MEF2A: variants seen among roughly 807,000 people sequenced by gnomAD.
MEF2A encodes the protein myocyte enhancer factor 2A, also known as myocyte-specific enhancer factor 2A.
Under a neutral mutation model 55.8 loss-of-function variants are expected in MEF2A, and 28 were observed. The observed-to-expected ratio is 0.50, with a 90% confidence interval of 0.37 to 0.69. The LOEUF (loss-of-function observed/expected upper bound fraction) is 0.69, where lower values mean the gene tolerates loss of function less well. MEF2A is among the 30% of genes least tolerant of loss of function. The pLI, the probability that MEF2A is intolerant of heterozygous loss-of-function variation, is 0.00. For synonymous variants in MEF2A, 239 were observed against 227.1 expected, an observed-to-expected ratio of 1.05 and a Z score of -0.47; for missense variants, 528 against 626.2, an observed-to-expected ratio of 0.84 and a Z score of 1.67.
Position 99,583,862 on chromosome 15 carries a change from G to A in MEF2A, c.-224-14568G>A, listed in dbSNP as rs527453456. ...ACAGTCATGAGTCACTTAATGACAG[G>A]GATATGTTCTGAGAAATGCATCATT... is the stretch of plus-strand genomic sequence containing the variant. On this transcript the variant is annotated intron_variant, in intron 1 of 11. Transcript: ENST00000557942. Among the ~76,000 whole-genome samples, 4 of 152,124 alleles carry A rather than the reference G, an allele frequency of 2.6e-5. 1 individual carries two copies. The highest frequency in any genetic ancestry group is 6.8e-3 in the Middle Eastern group (2 of 294).
intron 1 of MEF2A, among the ~76,000 whole-genome samples, chr15:99,596,037 A>T (rs979247076): frequency 6.6e-6 from 1 of 151,790 alleles, no homozygotes; most frequent in Non-Finnish European, 1.5e-5. Flanking sequence ...TTTTTTTTTT[A>T]AAGAGCGTGT....
chr15:99,658,036 A>G (rs2048031648), intron 4 of MEF2A, among the ~76,000 whole-genome samples: 1 of 152,178 alleles, frequency 6.6e-6, no homozygotes, highest in Non-Finnish European at 1.5e-5. Flanking sequence ...TCAGAACTAT[A>G]GAGCATCATA....
intron 1 of MEF2A, among the ~76,000 whole-genome samples, chr15:99,567,626 A>AATTGTGT (rs1567124507): frequency 8.2e-6 from 1 of 122,014 alleles, no homozygotes; most frequent in African/African-American, 3.3e-5. Context: ...TTTTGTATGT[A>AATTGTGT]CTGTGTGTGT....
chr15:99,620,484 C>T (rs1229178156), intron 2 of MEF2A, among the ~76,000 whole-genome samples: 1 of 152,150 alleles, frequency 6.6e-6, no homozygotes, highest in African/African-American at 2.4e-5. Context: ...ATGATGGCCT[C>T]CAGCTGCCTC....
chr15:99,695,540 T>TG (rs1171110967), intron 8 of MEF2A, among the ~76,000 whole-genome samples: 125 of 141,506 alleles, frequency 8.8e-4, no homozygotes, highest in Admixed American at 1.5e-3. Flanking sequence ...GATTGTCAGA[T>TG]TTGTGTGTGT....
chr15:99,602,468 G>A (rs574126020), intron 2 of MEF2A, among the ~76,000 whole-genome samples: 20 of 152,146 alleles, frequency 1.3e-4, no homozygotes, highest in African/African-American at 4.1e-4. Context: ...CTCTTAATGC[G>A]CATGCTGGAG....
chr15:99,590,020 T>C (rs1968713038), intron 1 of MEF2A, among the ~76,000 whole-genome samples: 2 of 152,144 alleles, frequency 1.3e-5, no homozygotes, highest in South Asian at 4.1e-4. Flanking sequence ...TTTATAGTGT[T>C]GTTCAGGTCT....
intron 2 of MEF2A, among the ~76,000 whole-genome samples, chr15:99,610,499 A>C (rs971738713): frequency 6.9e-6 from 1 of 145,952 alleles, no homozygotes; most frequent in East Asian, 2.1e-4. Flanking sequence ...TAGCCAAAAC[A>C]ATCTTTAAAA....
At chr15:99,666,056 A>G (rs1213598046) in intron 4 of MEF2A, among the ~76,000 whole-genome samples, 1 of 152,184 alleles carries the variant, frequency 6.6e-6, no homozygotes, top group East Asian at 1.9e-4. Flanking sequence ...AGAACTAGAA[A>G]TACCATTTGA....
rs905788890 is a variant in MEF2A, at chr15:99,671,474, C to G, written c.390+20C>G. On this transcript the variant is annotated intron_variant, in intron 5 of 11. Transcript: ENST00000557942. ...GGCCCTGTAAGTACTTTTACTTTAC[C>G]TCTACTTTTTATTTGTTGATCCTTT... 1.9e-6 allele frequency: 3 copies of G among 1,613,716 alleles called. No individual in the cohort carries two copies. Among genetic ancestry groups the G allele is most frequent in the East Asian group, 2.2e-5 (1 of 44,872 alleles).
intron 2 of MEF2A, among the ~76,000 whole-genome samples, chr15:99,609,517 T>A (rs117132284): frequency 0.02 from 3,015 of 152,318 alleles, 55 homozygotes; most frequent in Middle Eastern, 0.065. Context: ...TGTGATTGTG[T>A]TTGTACGACA....
chr15:99,647,765 TTAA>T (rs1218478201), intron 4 of MEF2A, among the ~76,000 whole-genome samples: 1 of 152,220 alleles, frequency 6.6e-6, no homozygotes, highest in South Asian at 2.1e-4. Context: ...ATGAATCGTG[TTAA>T]TAGTTCCTTG....
At chr15:99,577,572 C>G (rs891550608) in intron 1 of MEF2A, among the ~76,000 whole-genome samples, 8 of 152,152 alleles carry the variant, frequency 5.3e-5, no homozygotes, top group South Asian at 2.1e-4. Flanking sequence ...GCTATATAAC[C>G]ATAATGTAAA....
At chr15:99,632,090 A>G (rs972817634) in intron 2 of MEF2A, among the ~76,000 whole-genome samples, 1 of 152,228 alleles carries the variant, frequency 6.6e-6, no homozygotes, top group Non-Finnish European at 1.5e-5. Flanking sequence ...AGAACATGAC[A>G]AACTATATCA....
intron 1 of MEF2A, among the ~76,000 whole-genome samples, chr15:99,595,186 GA>G (rs1970735681): frequency 6.6e-6 from 1 of 152,158 alleles, no homozygotes; most frequent in African/African-American, 2.4e-5. Flanking sequence ...GGGTAATAAT[GA>G]GGTTGTTGTT....
At chr15:99,589,313 G>A (rs1226564975) in intron 1 of MEF2A, among the ~76,000 whole-genome samples, 1 of 152,128 alleles carries the variant, frequency 6.6e-6, no homozygotes, top group Admixed American at 6.5e-5. Context: ...GTCTACTTAA[G>A]TTGTCAGTTT....
intron 1 of MEF2A, among the ~76,000 whole-genome samples, chr15:99,597,150 C>T (rs1004508247): frequency 3.3e-5 from 5 of 152,170 alleles, no homozygotes; most frequent in African/African-American, 1.2e-4. Context: ...TAAACTCTGA[C>T]TGCCGGTGAG....
intron 1 of MEF2A, among the ~76,000 whole-genome samples, chr15:99,592,216 A>G (rs1023600350): frequency 1.3e-5 from 2 of 151,896 alleles, no homozygotes; most frequent in African/African-American, 4.8e-5. Context: ...CTGCTGCTGC[A>G]TTTTCTACTG....
Position 99,712,504 on chromosome 15 carries a change from CCAGCAGCAG to C in MEF2A, c.1277_1285del (p.Gln426_Gln428del), listed in dbSNP as rs3138597. ...GGGATCGTATGACCCCATCGGGCTTCCAGCAGCAGCAGCAGCAGCAGCAGCAGCAGCAGC... is the reference window on the plus strand; with the variant it reads ...GGGATCGTATGACCCCATCGGGCTTCCAGCAGCAGCAGCAGCAGCAGCAGC... On this transcript the variant is annotated inframe_deletion, in exon 12 of 12. Transcript: ENST00000557942. This position sits in a 1 kb window ranked among gnomAD's most constrained non-coding sequence, Gnocchi z 4.1. 2.1e-3 allele frequency: 3,135 copies of C among 1,474,778 alleles called. 7 individuals are homozygous for C. The highest frequency in any genetic ancestry group is 0.016 in the African/African-American group (1,190 of 72,246). The allele number at this position is 1,474,778 out of a possible 1,614,324, so 91.4% of individuals were successfully genotyped here. A position where few individuals can be genotyped will look rare whatever the true frequency, so the allele number is the denominator to read the frequency against.
Sources: allele counts gnomAD v4.1 joint callset (sites outside exome capture counted in the v4.1 genomes callset), GRCh38; gene constraint gnomAD v4.1.1; non-coding constraint Gnocchi (gnomAD v3.1); transcripts MANE v1.5; gene names NCBI Gene and HGNC (gene_info 2026-07-23, HGNC 2026-07-21).